The following SYNE1 variants were observed in gnomAD, a reference collection of about 807,000 sequenced individuals.
The protein encoded by SYNE1 is nesprin-1.
A neutral mutation model predicts 1,111.0 loss-of-function variants in SYNE1; 616 were observed. The ratio of observed to expected loss-of-function variants is 0.55; its 90% CI spans 0.52 to 0.59. The LOEUF (loss-of-function observed/expected upper bound fraction) is 0.59. Among genes scored for constraint, SYNE1 ranks in the 20% least tolerant of loss-of-function variants. The pLI is 0.00. For missense variants in SYNE1, 10,006 were observed against 10,417.0 expected (o/e 0.96, Z 1.72); for synonymous variants, 3,855 against 3,825.8 (o/e 1.01, Z -0.28).
At chr6:152,221,220 G>A (rs1263619086) in intron 118 of SYNE1, among the ~76,000 whole-genome samples, 174 bp from the exon 119 acceptor site, 1 of 152,174 alleles carries the variant, frequency 6.6e-6, no homozygotes, top group Non-Finnish European at 1.5e-5. Flanking sequence ...TAATGAGGAT[G>A]ATGGCAATCT....
intron 91 of SYNE1, among the ~76,000 whole-genome samples, chr6:152,306,651 A>G (rs1038211723): frequency 2.0e-5 from 3 of 151,532 alleles, no homozygotes; most frequent in African/African-American, 4.8e-5. Flanking sequence ...TGAGGCAGGC[A>G]TATCACTTGA....
intron 11 of SYNE1, among the ~76,000 whole-genome samples, chr6:152,493,981 T>C (rs1437901270): frequency 6.6e-6 from 1 of 152,052 alleles, no homozygotes; most frequent in South Asian, 2.1e-4. Flanking sequence ...CCCTAACTCA[T>C]CCCAACCCTT....
At chr6:152,633,454 A>G (rs1165436864) in intron 2 of SYNE1, among the ~76,000 whole-genome samples, 2 of 152,242 alleles carry the variant, frequency 1.3e-5, no homozygotes, top group African/African-American at 4.8e-5. Context: ...CCGGTAGAGG[A>G]AGATGATATA....
rs962015238 is a variant in SYNE1 at position 152,583,022 on chromosome 6, G to T, written c.68-43001C>A. 7.2e-5 allele frequency among the ~76,000 whole-genome samples: 11 copies of T among 152,262 alleles called. No individual in the cohort carries two copies. In the South Asian group the frequency reaches 2.3e-3, roughly 32 times the overall value. ...GCTATTAAAATCAAGTGGTCACTTTGTTGGAGTGGAGAGATTCTGAAGTGT... is the reference window on the plus strand; with the variant it reads ...GCTATTAAAATCAAGTGGTCACTTTTTTGGAGTGGAGAGATTCTGAAGTGT... On this transcript the variant is annotated intron_variant, in intron 3 of 145. Transcript: ENST00000367255.
chr6:152,303,645 A>C (rs911955624), intron 91 of SYNE1, among the ~76,000 whole-genome samples: 1 of 152,158 alleles, frequency 6.6e-6, no homozygotes, highest in Non-Finnish European at 1.5e-5. Flanking sequence ...TTTGCATATA[A>C]CCTATGCACA....
intron 82 of SYNE1, among the ~76,000 whole-genome samples, chr6:152,322,704 T>C (rs941426448): frequency 6.6e-5 from 10 of 152,144 alleles, no homozygotes; most frequent in Admixed American, 1.3e-4. Flanking sequence ...CCTCCCCGCA[T>C]CACCCAAGGA....
At chr6:152,518,225 G>A (rs1399266514) in intron 6 of SYNE1, among the ~76,000 whole-genome samples, 2 of 150,172 alleles carry the variant, frequency 1.3e-5, no homozygotes, top group Non-Finnish European at 3.0e-5. Flanking sequence ...TACTAGATGT[G>A]TATACTAGGT....
At chr6:152,179,652 G>GTTTA (rs2067390800) in intron 129 of SYNE1, among the ~76,000 whole-genome samples, 2 of 25,536 alleles carry the variant, frequency 7.8e-5, no homozygotes, top group African/African-American at 1.6e-4. Flanking sequence ...TTTTATGCAA[G>GTTTA]TTTATTTTAT....
chr6:152,292,320 T>C (rs376073941), intron 95 of SYNE1, among the ~76,000 whole-genome samples: 1 of 152,264 alleles, frequency 6.6e-6, no homozygotes, highest in African/African-American at 2.4e-5. Flanking sequence ...TTAATTCTCA[T>C]TTCGTGCTTT....
rs369780511 is a variant in SYNE1, at chr6:152,510,423, T to C, written c.403-52A>G. The C allele has an allele frequency of 1.9e-6, 3 of 1,583,516 alleles. No homozygotes were observed. In the African/African-American group the frequency reaches 4.0e-5, roughly 21 times the overall value. ...AATATAAGCATTATCTTTGTTATTA[T>C]TTCCTCAGATGTTTTACTTTTCCAG... On this transcript the variant is annotated intron_variant, in intron 7 of 145. Transcript: ENST00000367255.
At chr6:152,225,563 A>T (rs1312465309) in intron 116 of SYNE1, among the ~76,000 whole-genome samples, 158 bp downstream of exon 116, 2 of 144,766 alleles carry the variant, frequency 1.4e-5, no homozygotes, top group Non-Finnish European at 3.1e-5. Flanking sequence ...ACTAGACTTT[A>T]AAAAAAAAAA....
intron 14 of SYNE1, among the ~76,000 whole-genome samples, chr6:152,474,184 C>CA (rs11330635): frequency 3.1e-4 from 45 of 145,868 alleles, no homozygotes; most frequent in African/African-American, 6.7e-4. Context: ...GACTCTGTCT[C>CA]AAAAAAAAAA....
At chr6:152,622,589 A>G (rs1323485718) in intron 3 of SYNE1, among the ~76,000 whole-genome samples, 2 of 152,114 alleles carry the variant, frequency 1.3e-5, no homozygotes, top group African/African-American at 4.8e-5. Flanking sequence ...CCCTGCAAAA[A>G]ACATGATCTT....
At position 152,626,741 on chromosome 6, in the gene SYNE1, G is replaced by A. The variant is rs117233459; in HGVS notation, c.67+1524C>T. Among the ~76,000 whole-genome samples the A allele has an allele frequency of 1.8e-3, 271 of 152,278 alleles. 1 individual carries two copies. Among genetic ancestry groups the A allele is most frequent in the Non-Finnish European group, 2.4e-3 (166 of 68,018 alleles). On this transcript the variant is annotated intron_variant, in intron 3 of 145. Coordinates refer to ENST00000367255, the MANE Select transcript of SYNE1 (RefSeq NM_182961.4). Reference sequence around the variant, plus strand: ...CCAGTCCAGGCAGATAAACACGAGTGGGGGGTCACTTGAACACAGAAGCTC... The same window carrying A: ...CCAGTCCAGGCAGATAAACACGAGTAGGGGGTCACTTGAACACAGAAGCTC...
At chr6:152,545,672 T>G (rs1451193805) in intron 3 of SYNE1, among the ~76,000 whole-genome samples, 1 of 152,142 alleles carries the variant, frequency 6.6e-6, no homozygotes, top group Admixed American at 6.5e-5. Flanking sequence ...TCTGGCAAAA[T>G]AAATACATAA....
At chr6:152,141,427 G>A (rs988413909) in intron 138 of SYNE1, 98 bp from the exon 139 acceptor site, 2 of 1,534,988 alleles carry the variant, frequency 1.3e-6, no homozygotes, top group African/African-American at 1.4e-5. Context: ...CAAGAGAAGT[G>A]TCTGTGTTTG....
chr6:152,561,013 G>A (rs1044568726), intron 3 of SYNE1, among the ~76,000 whole-genome samples: 4 of 152,008 alleles, frequency 2.6e-5, no homozygotes, highest in African/African-American at 9.7e-5. Flanking sequence ...AAAAGACAAG[G>A]CTGCCCACTC....
At chr6:152,501,836 A>G (rs1198288362) in intron 10 of SYNE1, among the ~76,000 whole-genome samples, 1 of 152,204 alleles carries the variant, frequency 6.6e-6, no homozygotes, top group East Asian at 1.9e-4. Flanking sequence ...TTAAAACAAG[A>G]TTGAGTAATA....
chr6:152,353,632 G>A lies in SYNE1; in HGVS notation c.11039C>T (p.Thr3680Ile). 1.2e-6 allele frequency: 2 copies of A among 1,614,172 alleles called. No homozygotes were observed. The highest frequency in any genetic ancestry group is 1.7e-6 in the Non-Finnish European group (2 of 1,180,038). The change falls in exon 68 of 146, where the codon ACC becomes ATC. Residue 3680 changes from threonine (T) to isoleucine (I), a missense_variant. Coordinates refer to ENST00000367255, the MANE Select transcript of SYNE1 (RefSeq NM_182961.4). Reference sequence around the variant, plus strand: ...GGCCTGGTATCTGGAAGTCAGCTGGGTGGCCTGGCAACCCATTCTGCTGTT... The same window carrying A: ...GGCCTGGTATCTGGAAGTCAGCTGGATGGCCTGGCAACCCATTCTGCTGTT... Reference protein sequence around the residue: ...HVNSRMGCQATQLTSRYQALL... With the variant: ...HVNSRMGCQAIQLTSRYQALL...
Sources: gnomAD v4.1 joint callset for allele counts (sites outside exome capture counted in the v4.1 genomes callset) on GRCh38, gnomAD v4.1.1 for gene constraint, MANE v1.5 for transcripts, NCBI Gene and HGNC (gene_info 2026-07-23, HGNC 2026-07-21) for gene names.